The following EYS variants were observed in gnomAD, a reference collection of about 807,000 sequenced individuals.
EYS encodes protein eyes shut homolog.
A neutral mutation model predicts 282.1 loss-of-function variants in EYS; 250 were observed. That is an observed-to-expected ratio of 0.89 (90% confidence interval 0.80 to 0.98). The LOEUF is 0.98. Among genes scored for constraint, EYS ranks in the 50% least tolerant of loss-of-function variants. EYS has a pLI of 0.00. For missense variants in EYS, 4,016 were observed against 3,709.0 expected (o/e 1.08, Z -2.15); for synonymous variants, 1,355 against 1,282.9 (o/e 1.06, Z -1.20).
At chr6:64,537,725 G>T (rs1283443572) in intron 26 of EYS, among the ~76,000 whole-genome samples, 1 of 152,016 alleles carries the variant, frequency 6.6e-6, no homozygotes, top group Non-Finnish European at 1.5e-5. Context: ...TGACAATTTT[G>T]TTATTTTAAC....
intron 35 of EYS, among the ~76,000 whole-genome samples, chr6:63,907,320 G>A (rs1387682302): frequency 1.3e-5 from 2 of 152,090 alleles, no homozygotes; most frequent in Non-Finnish European, 2.9e-5. Context: ...ATTTACAAAG[G>A]CCATGGATAA....
intron 1 of EYS, among the ~76,000 whole-genome samples, chr6:65,681,820 GT>G (rs1344213222): frequency 5.3e-5 from 8 of 151,836 alleles, no homozygotes; most frequent in Non-Finnish European, 8.8e-5. Context: ...CCTCTTGCTA[GT>G]TTTATAGCTC....
At chr6:65,298,050 G>T (rs2150287737) in intron 11 of EYS, among the ~76,000 whole-genome samples, 1 of 152,100 alleles carries the variant, frequency 6.6e-6, no homozygotes, top group Admixed American at 6.5e-5. Flanking sequence ...AAAATGAAAA[G>T]AAAATTGTAG....
chr6:65,311,394 C>A (rs2150298757), intron 11 of EYS, among the ~76,000 whole-genome samples: 1 of 152,254 alleles, frequency 6.6e-6, no homozygotes, highest in Admixed American at 6.5e-5. Context: ...GCATATTTGA[C>A]CAACGTTGCA....
At chr6:65,252,359 A>C (rs1444952517) in intron 12 of EYS, among the ~76,000 whole-genome samples, 1 of 152,030 alleles carries the variant, frequency 6.6e-6, no homozygotes, top group Non-Finnish European at 1.5e-5. Flanking sequence ...CATTGATGGC[A>C]AACACTTAGG....
chr6:64,851,998 A>T (rs1357950808), intron 19 of EYS, among the ~76,000 whole-genome samples: 5 of 152,094 alleles, frequency 3.3e-5, no homozygotes, highest in Non-Finnish European at 7.4e-5. Context: ...AGATTTGAGG[A>T]TTGTTGGGAT....
At chr6:64,232,657 A>T (rs1299093313) in intron 30 of EYS, among the ~76,000 whole-genome samples, 1 of 152,132 alleles carries the variant, frequency 6.6e-6, no homozygotes, top group Non-Finnish European at 1.5e-5. Flanking sequence ...CCCCCAGAGC[A>T]TTGGGATTAC....
At chr6:63,737,637 T>G (rs1448912243) in intron 41 of EYS, among the ~76,000 whole-genome samples, 1 of 152,242 alleles carries the variant, frequency 6.6e-6, no homozygotes, top group African/African-American at 2.4e-5. Context: ...CTTTTTCTAT[T>G]GATTGGAATA....
intron 29 of EYS, among the ~76,000 whole-genome samples, chr6:64,388,144 C>T (rs1187710958): frequency 6.6e-6 from 1 of 152,032 alleles, no homozygotes; most frequent in Non-Finnish European, 1.5e-5. Flanking sequence ...GCATTTAAGT[C>T]AGCTTTCAAG....
chr6:64,518,730 C>G (rs116672219), intron 26 of EYS, among the ~76,000 whole-genome samples: 2 of 151,120 alleles, frequency 1.3e-5, no homozygotes, highest in African/African-American at 4.8e-5. Flanking sequence ...TTTCCCCCAT[C>G]CTGTTCTTGT....
chr6:65,434,054 A>AT (rs1215319734), intron 5 of EYS, among the ~76,000 whole-genome samples: 1 of 152,148 alleles, frequency 6.6e-6, no homozygotes, highest in Non-Finnish European at 1.5e-5. Context: ...CAGATAAACC[A>AT]TTTTTTATTT....
intron 32 of EYS, among the ~76,000 whole-genome samples, chr6:64,073,431 G>A (rs1399983308): frequency 6.6e-6 from 1 of 151,722 alleles, no homozygotes; most frequent in African/African-American, 2.4e-5. Flanking sequence ...TGTAACCCTA[G>A]GATTCTATAA....
At chr6:64,365,652 T>C (rs959293774) in intron 29 of EYS, among the ~76,000 whole-genome samples, 8 of 152,174 alleles carry the variant, frequency 5.3e-5, no homozygotes, top group African/African-American at 1.2e-4. Flanking sequence ...AGAATAATAT[T>C]GAACCTTAAA....
chr6:63,861,879 C>T (rs1772539587), intron 36 of EYS, among the ~76,000 whole-genome samples: 1 of 152,154 alleles, frequency 6.6e-6, no homozygotes, highest in South Asian at 2.1e-4. Context: ...GCCTCCGGAT[C>T]AGTGAGAAAT....
At chr6:65,255,677 A>T (rs1767441656) in intron 12 of EYS, among the ~76,000 whole-genome samples, 1 of 152,056 alleles carries the variant, frequency 6.6e-6, no homozygotes, top group African/African-American at 2.4e-5. Flanking sequence ...CAAATAATCA[A>T]ATTAAAAATT....
rs376121178 is a variant in EYS at position 64,382,288 on chromosome 6, G to C, written c.6078+6402C>G. Among the ~76,000 whole-genome samples, 16 of 152,180 alleles carry C rather than the reference G, an allele frequency of 1.1e-4. No homozygotes were observed. The East Asian group carries it at 2.3e-3, about 22-fold the overall frequency. ...CTGAGGTTATGTCATCTGGCCTCAC[G>C]TATTTAAATACTATAGCCTGAGAAC... On this transcript the variant is annotated intron_variant, in intron 29 of 42. Transcript: ENST00000503581.
At chr6:64,602,356 A>G (rs1766788236) in intron 24 of EYS, among the ~76,000 whole-genome samples, 1 of 152,100 alleles carries the variant, frequency 6.6e-6, no homozygotes, top group Non-Finnish European at 1.5e-5. Flanking sequence ...TAAAATTTGA[A>G]ACACAGGATG....
chr6:63,951,330 A>G (rs930876998), intron 35 of EYS, among the ~76,000 whole-genome samples: 1 of 152,128 alleles, frequency 6.6e-6, no homozygotes, highest in African/African-American at 2.4e-5. Flanking sequence ...TCCATCCTAC[A>G]AGATCTAGGT....
intron 5 of EYS, among the ~76,000 whole-genome samples, chr6:65,406,445 T>C (rs1766743995): frequency 6.6e-6 from 1 of 152,112 alleles, no homozygotes; most frequent in Non-Finnish European, 1.5e-5. Context: ...TAAGTCCATT[T>C]TGTCATTTTT....
Sources: allele counts gnomAD v4.1 joint callset (sites outside exome capture counted in the v4.1 genomes callset), GRCh38; gene constraint gnomAD v4.1.1; transcripts MANE v1.5; gene names NCBI Gene and HGNC (gene_info 2026-07-23, HGNC 2026-07-21).